Variants in TENM1 observed in about 807,000 individuals in gnomAD.
The protein encoded by TENM1 is teneurin-1.
A neutral mutation model predicts 174.8 loss-of-function variants in TENM1; 35 were observed. The observed-to-expected ratio is 0.20, with a 90% confidence interval of 0.15 to 0.27. The LOEUF (loss-of-function observed/expected upper bound fraction) is 0.27, where lower values mean the gene tolerates loss of function less well. Among genes scored for constraint, TENM1 ranks in the 10% least tolerant of loss-of-function variants. TENM1 has a pLI of 1.00. For synonymous variants in TENM1, 781 were observed against 798.7 expected (o/e 0.98, Z 0.37); for missense variants, 1,633 against 2,130.1 (o/e 0.77, Z 4.59).
chrX:124,640,457 C>T (rs752314300), intron 11 of TENM1, among the ~76,000 whole-genome samples: 5 of 112,106 alleles, frequency 4.5e-5, no homozygotes, highest in Non-Finnish European at 7.5e-5. Flanking sequence ...CGTCATTTTA[C>T]ATCTTTAACA....
At chrX:124,577,505 T>C (rs2858416) in intron 11 of TENM1, among the ~76,000 whole-genome samples, 26,816 of 110,716 alleles carry the variant, frequency 0.24, 2,443 homozygotes, top group South Asian at 0.4. Flanking sequence ...ATTTAAGACA[T>C]TTAGTTTTAA....
chrX:125,079,377 T>A, the TENM1 span, among the ~76,000 whole-genome samples: 1 of 111,762 alleles, frequency 8.9e-6, no homozygotes, highest in Non-Finnish European at 1.9e-5. Context: ...TCATTGTCCA[T>A]TTATAAAAGA....
chrX:125,194,525 C>G, the TENM1 span, among the ~76,000 whole-genome samples: 1 of 111,461 alleles, frequency 9.0e-6, no homozygotes, highest in African/African-American at 3.3e-5. Context: ...CTTTAAAACC[C>G]CTTATCTCGT....
At position 124,670,911 on chromosome X, in the gene TENM1, G is replaced by C. The variant is rs1213397165; in HGVS notation, c.1168+772C>G. On this transcript the variant is annotated intron_variant, in intron 6 of 31. Coordinates refer to ENST00000422452, the Ensembl canonical transcript of TENM1. Reference sequence around the variant, plus strand: ...GTCTCCAAAAATTACTCAGGATATTGCTGGCTATATATATTATTCTCAATT... The same window carrying C: ...GTCTCCAAAAATTACTCAGGATATTCCTGGCTATATATATTATTCTCAATT... Among the ~76,000 whole-genome samples the C allele has an allele frequency of 4.5e-5, 5 of 111,265 alleles. No homozygotes were observed. In the Admixed American group the frequency reaches 4.8e-4, roughly 11 times the overall value.
the TENM1 span, among the ~76,000 whole-genome samples, chrX:125,041,760 T>C: frequency 9.0e-6 from 1 of 111,639 alleles, no homozygotes; most frequent in African/African-American, 3.2e-5. Context: ...ATTCTGAGAA[T>C]TTCAGGCACA....
the TENM1 span, among the ~76,000 whole-genome samples, chrX:124,988,013 T>C: frequency 2.5e-3 from 282 of 111,321 alleles, no homozygotes; most frequent in African/African-American, 8.7e-3. Context: ...TGCTTCTTAT[T>C]GGTAACAAAA....
At chrX:125,094,845 A>G in the TENM1 span, among the ~76,000 whole-genome samples, 19 of 112,343 alleles carry the variant, frequency 1.7e-4, no homozygotes, top group South Asian at 7.1e-3. Flanking sequence ...TGTGCAAATT[A>G]AAGTCTCATT....
intron 1 of TENM1, among the ~76,000 whole-genome samples, chrX:124,930,116 A>C: frequency 9.2e-6 from 1 of 108,540 alleles, no homozygotes; most frequent in Non-Finnish European, 1.9e-5. Flanking sequence ...GCCACCCCAT[A>C]CCCCGCACAG....
chrX:124,398,160 G>A (rs2060358603), intron 27 of TENM1, among the ~76,000 whole-genome samples: 1 of 108,644 alleles, frequency 9.2e-6, no homozygotes, highest in South Asian at 4.2e-4. Context: ...CAGAGGAGAC[G>A]GAGCTTGCAG....
intron 22 of TENM1, among the ~76,000 whole-genome samples, chrX:124,465,377 T>C (rs1444223932): frequency 9.0e-6 from 1 of 111,323 alleles, no homozygotes; most frequent in Non-Finnish European, 1.9e-5. Flanking sequence ...GCCTCTCTAA[T>C]AGCTGGGACC....
At chrX:124,545,347 G>C (rs902719018) in intron 15 of TENM1, among the ~76,000 whole-genome samples, 30 of 112,065 alleles carry the variant, frequency 2.7e-4, no homozygotes, top group African/African-American at 9.4e-4. Flanking sequence ...AAGCTAAACC[G>C]CAGGGATTTA....
chrX:124,749,424 A>T (rs1449065768), intron 3 of TENM1, among the ~76,000 whole-genome samples: 1 of 112,134 alleles, frequency 8.9e-6, no homozygotes, highest in African/African-American at 3.2e-5. Flanking sequence ...ATTTCCATGA[A>T]TACAACATTA....
At chrX:124,867,982 G>C (rs773572133) in intron 3 of TENM1, among the ~76,000 whole-genome samples, 1 of 111,187 alleles carries the variant, frequency 9.0e-6, no homozygotes, top group South Asian at 3.8e-4. Context: ...AAATTGAAGA[G>C]GACACCAAAA....
intron 1 of TENM1, among the ~76,000 whole-genome samples, chrX:124,953,493 T>C (rs190873582): frequency 8.9e-6 from 1 of 112,058 alleles, no homozygotes; most frequent in East Asian, 2.8e-4. Flanking sequence ...TCAGATTATC[T>C]TACTGACCCG....
intron 1 of TENM1, among the ~76,000 whole-genome samples, chrX:124,931,766 A>G (rs1037480323): frequency 8.1e-5 from 9 of 110,879 alleles, no homozygotes; most frequent in African/African-American, 3.0e-4. Context: ...ATTATGTGCT[A>G]TATTAAAATG....
At chrX:125,190,041 A>AT in the TENM1 span, among the ~76,000 whole-genome samples, 2 of 111,307 alleles carry the variant, frequency 1.8e-5, no homozygotes, top group African/African-American at 3.3e-5. Flanking sequence ...TCCTAATGCA[A>AT]TTTTTTTAAT....
At chrX:124,766,339 C>T (rs1384703401) in intron 3 of TENM1, among the ~76,000 whole-genome samples, 2 of 111,449 alleles carry the variant, frequency 1.8e-5, no homozygotes, top group African/African-American at 6.5e-5. Context: ...GTTATGAAAC[C>T]AATTTTGACT....
chrX:125,112,793 C>A, the TENM1 span, among the ~76,000 whole-genome samples: 7,918 of 111,028 alleles, frequency 0.071, 693 homozygotes, highest in African/African-American at 0.24. Context: ...CAGAAAATAT[C>A]ATTGAGAAAA....
chrX:124,478,454 T>C (rs1424308589), intron 22 of TENM1, among the ~76,000 whole-genome samples: 1 of 102,137 alleles, frequency 9.8e-6, no homozygotes, highest in Admixed American at 9.8e-5. Context: ...ACTCTGAATT[T>C]AGAATGAATG....
Sources: allele counts gnomAD v4.1 joint callset (sites outside exome capture counted in the v4.1 genomes callset), GRCh38; gene constraint gnomAD v4.1.1; transcripts MANE v1.5; gene names NCBI Gene and HGNC (gene_info 2026-07-23, HGNC 2026-07-21).